CADM1: variants seen among roughly 807,000 people sequenced by gnomAD.
CADM1 encodes TSLC-1.
Under a neutral mutation model 53.1 loss-of-function variants are expected in CADM1, and 15 were observed. That is an observed-to-expected ratio of 0.28 (90% CI 0.19 to 0.44). The LOEUF is 0.44. CADM1 is among the 20% of genes least tolerant of loss of function. The probability of loss-of-function intolerance (pLI) is 1.00; values close to 1 mark genes in which losing one functional copy is unlikely to be tolerated. For synonymous variants in CADM1, 281 were observed against 243.0 expected, an observed-to-expected ratio of 1.16 and a Z score of -1.45; for missense variants, 434 against 611.3, an observed-to-expected ratio of 0.71 and a Z score of 3.06.
At chr11:115,222,595 T>G (rs978941835) in intron 5 of CADM1, among the ~76,000 whole-genome samples, 4 of 149,872 alleles carry the variant, frequency 2.7e-5, no homozygotes, top group African/African-American at 7.3e-5. Context: ...CATCTGTTGT[T>G]ATGACTCATA....
intron 1 of CADM1, among the ~76,000 whole-genome samples, chr11:115,271,050 T>C (rs1053800754): frequency 6.6e-6 from 1 of 152,206 alleles, no homozygotes; most frequent in Non-Finnish European, 1.5e-5. Context: ...CCAAAGGGTA[T>C]TAAGCCAACC....
chr11:115,222,549 T>C (rs879242656), intron 5 of CADM1, among the ~76,000 whole-genome samples: 2 of 152,168 alleles, frequency 1.3e-5, no homozygotes, highest in Admixed American at 6.5e-5. Flanking sequence ...GCCGTTTATT[T>C]TGTTTGTTTG....
intron 1 of CADM1, among the ~76,000 whole-genome samples, chr11:115,444,868 C>CT (rs1377526244): frequency 6.6e-6 from 1 of 152,174 alleles, no homozygotes; most frequent in Admixed American, 6.5e-5. Context: ...ACCATAGCTT[C>CT]TACGTAAGGA....
chr11:115,295,515 TA>T, intron 1 of CADM1, among the ~76,000 whole-genome samples: 2 of 48,034 alleles, frequency 4.2e-5, no homozygotes, highest in South Asian at 7.0e-4. Context: ...TTTATATATA[TA>T]TATATATATA....
chr11:115,203,615 A>C (rs554087278), intron 8 of CADM1, among the ~76,000 whole-genome samples: 2 of 152,224 alleles, frequency 1.3e-5, no homozygotes, highest in South Asian at 4.1e-4. Flanking sequence ...TTTAGTATGA[A>C]AACATGTCAT....
chr11:115,448,656 G>C (rs1351042428), intron 1 of CADM1, among the ~76,000 whole-genome samples: 6 of 151,698 alleles, frequency 4.0e-5, no homozygotes, highest in African/African-American at 9.7e-5. Context: ...ATGTGTGTTG[G>C]GGGGTAGGAG....
intron 1 of CADM1, among the ~76,000 whole-genome samples, chr11:115,501,516 T>C (rs1232239470): frequency 6.6e-6 from 1 of 152,198 alleles, no homozygotes; most frequent in Admixed American, 6.6e-5. Context: ...ACCTTGAACG[T>C]ATAACAGGCG....
At chr11:115,395,250 A>C (rs187070035) in intron 1 of CADM1, among the ~76,000 whole-genome samples, 1 of 152,310 alleles carries the variant, frequency 6.6e-6, no homozygotes, top group African/African-American at 2.4e-5. Flanking sequence ...CATTGACGTA[A>C]AGTACAGAAA....
chr11:115,335,042 C>T (rs1945232002), intron 1 of CADM1, among the ~76,000 whole-genome samples: 1 of 152,036 alleles, frequency 6.6e-6, no homozygotes, highest in African/African-American at 2.4e-5. Context: ...CACTCCAAGT[C>T]CTTAAAGATG....
At chr11:115,277,904 C>T (rs1285138674) in intron 1 of CADM1, among the ~76,000 whole-genome samples, 1 of 152,144 alleles carries the variant, frequency 6.6e-6, no homozygotes, top group African/African-American at 2.4e-5. Flanking sequence ...GAACTCCTTT[C>T]TCTACTGCTT....
chr11:115,496,729 T>C (rs1307514586), intron 1 of CADM1, among the ~76,000 whole-genome samples: 1 of 152,120 alleles, frequency 6.6e-6, no homozygotes, highest in Non-Finnish European at 1.5e-5. Context: ...GAGAGGGCAC[T>C]GATGTTTCCA....
chr11:115,206,788 T>TTTTTTTTTC (rs1565297529), intron 8 of CADM1, among the ~76,000 whole-genome samples: 1 of 143,230 alleles, frequency 7.0e-6, no homozygotes, highest in Non-Finnish European at 1.5e-5. Flanking sequence ...TTTTTTTTTT[T>TTTTTTTTTC]TAAGCTCAGG....
chr11:115,388,987 A>G (rs1946768058), intron 1 of CADM1, among the ~76,000 whole-genome samples: 1 of 152,172 alleles, frequency 6.6e-6, no homozygotes, highest in Non-Finnish European at 1.5e-5. Flanking sequence ...TAATAATTAT[A>G]CCATAGTTAC....
intron 1 of CADM1, among the ~76,000 whole-genome samples, chr11:115,460,226 C>T (rs969096967): frequency 1.3e-4 from 20 of 152,220 alleles, no homozygotes; most frequent in East Asian, 9.6e-4. Flanking sequence ...TGAAGGACAC[C>T]GCACACCCAC....
At chr11:115,465,491 A>G (rs1948880713) in intron 1 of CADM1, among the ~76,000 whole-genome samples, 2 of 152,186 alleles carry the variant, frequency 1.3e-5, no homozygotes, top group Non-Finnish European at 1.5e-5. Context: ...AGAAGGAAAT[A>G]AATGTATTTA....
At chr11:115,286,264 A>T (rs1943726007) in intron 1 of CADM1, among the ~76,000 whole-genome samples, 1 of 152,326 alleles carries the variant, frequency 6.6e-6, no homozygotes, top group Non-Finnish European at 1.5e-5. Context: ...AATTTATTCA[A>T]CAAGGGCTAA....
rs2513551 is a variant in CADM1 at position 115,432,724 on chromosome 11, G to A, written c.124+71547C>T. ...GAAATGGTGGTTCTGATAGCCTACG[G>A]GTATTACACATCCACCTACTTAAAA... On this transcript the variant is annotated intron_variant, in intron 1 of 11. Coordinates refer to ENST00000331581, the MANE Select transcript of CADM1 (RefSeq NM_001301043.2). Among the ~76,000 whole-genome samples the A allele has an allele frequency of 5.6e-3, 856 of 152,240 alleles. 10 individuals carry two copies. The highest frequency in any genetic ancestry group is 0.019 in the African/African-American group (782 of 41,532).
chr11:115,417,457 T>C (rs980880934), intron 1 of CADM1, among the ~76,000 whole-genome samples: 7 of 152,214 alleles, frequency 4.6e-5, no homozygotes, highest in African/African-American at 7.2e-5. Flanking sequence ...TCTTTTCCTA[T>C]ACATCATACC....
chr11:115,250,177 A>G (rs1942554311), intron 1 of CADM1, among the ~76,000 whole-genome samples: 1 of 152,208 alleles, frequency 6.6e-6, no homozygotes, highest in South Asian at 2.1e-4. Context: ...TGCTGGGATT[A>G]CAAGCATGAG....
Sources: allele counts gnomAD v4.1 joint callset (sites outside exome capture counted in the v4.1 genomes callset), GRCh38; gene constraint gnomAD v4.1.1; transcripts MANE v1.5; gene names NCBI Gene and HGNC (gene_info 2026-07-23, HGNC 2026-07-21).